Variants in TFEB observed in about 807,000 individuals in gnomAD.
The protein encoded by TFEB is T-cell transcription factor EB.
Under a neutral mutation model 48.0 loss-of-function variants are expected in TFEB, and 12 were observed. The ratio of observed to expected loss-of-function variants is 0.25; its 90% CI spans 0.16 to 0.40. TFEB has a LOEUF of 0.40. Among genes scored for constraint, TFEB ranks in the 10% least tolerant of loss-of-function variants. The pLI, the probability that TFEB is intolerant of heterozygous loss-of-function variation, is 1.00. For synonymous variants in TFEB, 244 were observed against 261.4 expected, an observed-to-expected ratio of 0.93 and a Z score of 0.64; for missense variants, 509 against 640.3, an observed-to-expected ratio of 0.79 and a Z score of 2.21.
At position 41,700,797 on chromosome 6, in the gene TFEB, G is replaced by C. The variant is rs554535884; in HGVS notation, c.-22-9562C>G. Among the ~76,000 whole-genome samples, 7 of 152,344 alleles carry C rather than the reference G, an allele frequency of 4.6e-5. No homozygotes were observed. The East Asian group carries it at 1.2e-3, about 25-fold the overall frequency. On this transcript the variant is annotated intron_variant, in intron 1 of 8. Transcript: ENST00000373033. Reference sequence around the variant, plus strand: ...CTGTTCCCACAGCTCAGGCCCATCAGCCCCAAGTTTCAGCTCACATCCCAC... The same window carrying C: ...CTGTTCCCACAGCTCAGGCCCATCACCCCCAAGTTTCAGCTCACATCCCAC...
chr6:41,702,333 C>T (rs147483634), intron 1 of TFEB, among the ~76,000 whole-genome samples: 1 of 152,114 alleles, frequency 6.6e-6, no homozygotes, highest in African/African-American at 2.4e-5. Context: ...GAGCCTGGGT[C>T]GGAGGGGGCG....
At position 41,697,504 on chromosome 6, in the gene TFEB, C is replaced by A. The variant is rs1465382882; in HGVS notation, c.-22-6269G>T. Among the ~76,000 whole-genome samples the A allele has an allele frequency of 1.3e-4, 2 of 15,494 alleles. 1 individual carries two copies. The highest frequency in any genetic ancestry group is 8.5e-4 in the Admixed American group (2 of 2,354). The allele number at this position is 15,494 out of a possible 152,430, so 10.2% of individuals were successfully genotyped here. A position where few individuals can be genotyped will look rare whatever the true frequency, so the allele number is the denominator to read the frequency against. ...TCACCAACACCACCCCTTCTCCAAA[C>A]CCCCCCCCTTCCCCAAGTGTGTCTA... is the stretch of plus-strand genomic sequence containing the variant. On this transcript the variant is annotated intron_variant, in intron 1 of 8. Coordinates refer to ENST00000373033, the MANE Select transcript of TFEB (RefSeq NM_001271944.2).
At chr6:41,702,826 C>T (rs771650137) in intron 1 of TFEB, among the ~76,000 whole-genome samples, 22 of 152,222 alleles carry the variant, frequency 1.4e-4, no homozygotes, top group Non-Finnish European at 2.9e-4. Flanking sequence ...CATCGGTATG[C>T]ACCACCCAGC....
intron 1 of TFEB, among the ~76,000 whole-genome samples, chr6:41,717,267 T>C (rs1185270722): frequency 6.6e-6 from 1 of 151,956 alleles, no homozygotes; most frequent in Non-Finnish European, 1.5e-5. Context: ...AAAGCAGACA[T>C]CAACTGTGGC....
intron 1 of TFEB, among the ~76,000 whole-genome samples, chr6:41,701,154 C>T (rs1769899581): frequency 6.6e-6 from 1 of 152,262 alleles, no homozygotes. Context: ...CACACATGCA[C>T]ACATGTCCAT....
Position 41,687,699 on chromosome 6 carries a change from C to G in TFEB, c.727+54G>C, listed in dbSNP as rs756973492. 3.7e-6 allele frequency: 6 copies of G among 1,611,082 alleles called. No individual in the cohort carries two copies. In the African/African-American group the frequency reaches 6.7e-5, roughly 18 times the overall value. On this transcript the variant is annotated intron_variant, in intron 6 of 8. Coordinates refer to ENST00000373033, the MANE Select transcript of TFEB (RefSeq NM_001271944.2). ...GGTCAGGGAGTGGCTTTTTAGCCAG[C>G]CCAGGTGAGAACAAGGAAGAGGGAG...
intron 1 of TFEB, among the ~76,000 whole-genome samples, chr6:41,710,793 C>A (rs1368736600): frequency 1.3e-5 from 2 of 152,132 alleles, no homozygotes; most frequent in Non-Finnish European, 2.9e-5. Flanking sequence ...CCCCCAGTTC[C>A]TCTCCCACAG....
chr6:41,690,955 G>A, intron 2 of TFEB, 38 bp from the exon 3 acceptor site: 6 of 1,566,586 alleles, frequency 3.8e-6, no homozygotes, highest in Non-Finnish European at 5.2e-6. Flanking sequence ...AGGGGAGGCT[G>A]GGACTAGTGG....
At chr6:41,705,530 C>T (rs1770167316) in intron 1 of TFEB, 1 of 152,330 alleles carries the variant, frequency 6.6e-6, no homozygotes, top group Non-Finnish European at 1.5e-5. Flanking sequence ...AAAGTCCACC[C>T]TCTTCCCAAC....
chr6:41,725,185 T>C (rs986336958), intron 1 of TFEB, among the ~76,000 whole-genome samples: 1 of 152,202 alleles, frequency 6.6e-6, no homozygotes, highest in African/African-American at 2.4e-5. Flanking sequence ...AGATCAGAGT[T>C]TCTCAACCTC....
intron 1 of TFEB, among the ~76,000 whole-genome samples, chr6:41,717,341 T>G (rs531738528): frequency 1.3e-5 from 2 of 152,282 alleles, no homozygotes; most frequent in Admixed American, 6.5e-5. Context: ...GGGCCTCCTT[T>G]TCCCATGTCC....
chr6:41,698,787 A>G (rs956705975), intron 1 of TFEB, among the ~76,000 whole-genome samples: 2 of 152,176 alleles, frequency 1.3e-5, no homozygotes, highest in Non-Finnish European at 2.9e-5. Context: ...CTTTCAGCCT[A>G]GGGAAGGGAA....
rs1335137128 is a variant in TFEB, at chr6:41,700,407, A to G, written c.-22-9172T>C. On this transcript the variant is annotated intron_variant, in intron 1 of 8. Transcript: ENST00000373033. Reference sequence around the variant, plus strand: ...CGTGAACCCGGGAGGCGGAGCTTGCAGTGAGCCGAGATCTCGCCACTGCAC... The same window carrying G: ...CGTGAACCCGGGAGGCGGAGCTTGCGGTGAGCCGAGATCTCGCCACTGCAC... Among the ~76,000 whole-genome samples the G allele has an allele frequency of 9.4e-5, 14 of 149,240 alleles. No homozygotes were observed. The East Asian group carries it at 2.9e-3, about 30-fold the overall frequency.
At chr6:41,725,309 G>A (rs1164747799) in intron 1 of TFEB, among the ~76,000 whole-genome samples, 1 of 152,118 alleles carries the variant, frequency 6.6e-6, no homozygotes, top group African/African-American at 2.4e-5. Context: ...GTCCCCTAGG[G>A]GGACAAAATC....
intron 1 of TFEB, among the ~76,000 whole-genome samples, chr6:41,710,439 G>A (rs1386609956): frequency 6.6e-6 from 1 of 152,316 alleles, no homozygotes; most frequent in Middle Eastern, 3.4e-3. Context: ...AGGAGAAGAA[G>A]CCAAGAACAG....
chr6:41,734,810 T>G lies in TFEB; in HGVS notation c.-23+540A>C. 75 of 657,142 alleles carry G rather than the reference T, an allele frequency of 1.1e-4. No individual in the cohort carries two copies. Among genetic ancestry groups the G allele is most frequent in the Middle Eastern group, 7.9e-4 (1 of 1,258 alleles). The allele number at this position is 657,142 out of a possible 1,614,324, so 40.7% of individuals were successfully genotyped here. On this transcript the variant is annotated intron_variant, in intron 1 of 8. Coordinates refer to ENST00000373033, the MANE Select transcript of TFEB (RefSeq NM_001271944.2). This position sits in a 1 kb window ranked among gnomAD's most constrained non-coding sequence, Gnocchi z 4.0. ...GATGGTACTTCCACCCGCCCCCCCA[T>G]CAGCCCAGCCCCCGGGGCGTGGCGC...
intron 7 of TFEB, 196 bp from the exon 8 acceptor site, chr6:41,686,433 A>G (rs1769008128): frequency 1.8e-6 from 1 of 569,896 alleles, no homozygotes; most frequent in African/African-American, 1.9e-5. Context: ...TGCCCACTTC[A>G]TTAATCTCAT....
chr6:41,706,473 A>T (rs1328988705), intron 1 of TFEB, among the ~76,000 whole-genome samples: 1 of 151,888 alleles, frequency 6.6e-6, no homozygotes, highest in East Asian at 1.9e-4. Flanking sequence ...TCCCCTCACA[A>T]CACACACCTA....
chr6:41,723,643 G>T lies in TFEB; in HGVS notation c.-23+11707C>A. On this transcript the variant is annotated intron_variant, in intron 1 of 8. Coordinates refer to ENST00000373033, the MANE Select transcript of TFEB (RefSeq NM_001271944.2). This position sits in a 1 kb window ranked among gnomAD's most constrained non-coding sequence, Gnocchi z 6.0. ...GAGGAAGTTGCACAATCCCCTGGGA[G>T]CTGCAAATGCGGCCGAGGATTACTC... is the stretch of plus-strand genomic sequence containing the variant. The T allele has an allele frequency of 1.1e-6, 1 of 878,388 alleles. No individual in the cohort carries two copies. The highest frequency in any genetic ancestry group is 1.5e-6 in the Non-Finnish European group (1 of 650,220). 54.4% of individuals were successfully genotyped at this position (878,388 alleles called of 1,614,324 possible).
Sources: allele counts gnomAD v4.1 joint callset (sites outside exome capture counted in the v4.1 genomes callset), GRCh38; gene constraint gnomAD v4.1.1; non-coding constraint Gnocchi (gnomAD v3.1); transcripts MANE v1.5; gene names NCBI Gene and HGNC (gene_info 2026-07-23, HGNC 2026-07-21).